RASSF7: variants seen among roughly 807,000 people sequenced by gnomAD.
RASSF7 encodes the protein ras association domain-containing protein 7.
Under a neutral mutation model 33.8 loss-of-function variants are expected in RASSF7, and 41 were observed. The ratio of observed to expected loss-of-function variants is 1.21; its 90% CI spans 0.95 to 1.57. The LOEUF is 1.57. RASSF7 is among the 40% of genes most tolerant of loss of function. RASSF7 has a pLI of 0.00. For synonymous variants in RASSF7, 298 were observed against 212.8 expected, an observed-to-expected ratio of 1.40 and a Z score of -3.48; for missense variants, 622 against 497.0, an observed-to-expected ratio of 1.25 and a Z score of -2.39.
chr11:561,455 G>C lies in RASSF7; in HGVS notation c.-30G>C. 6.7e-6 allele frequency: 8 copies of C among 1,196,182 alleles called. No individual in the cohort carries two copies. The highest frequency in any genetic ancestry group is 8.3e-6 in the Non-Finnish European group (8 of 958,182). The allele number at this position is 1,196,182 out of a possible 1,614,324, so 74.1% of individuals were successfully genotyped here. ...CGGGCGCCTCCGCGCCGCCCGGGGA[G>C]GGGGCAGTGTCCTCCGAGCCAGGTG... On this transcript the variant is annotated 5_prime_UTR_variant, in exon 1 of 6. Coordinates refer to ENST00000397583, the MANE Select transcript of RASSF7 (RefSeq NM_003475.4).
Position 561,583 on chromosome 11 carries a change from G to A in RASSF7, c.-8+106G>A. On this transcript the variant is annotated intron_variant, in intron 1 of 5. Coordinates refer to ENST00000397583, the MANE Select transcript of RASSF7 (RefSeq NM_003475.4). The stretch of plus-strand genomic sequence containing the variant: ...GAAGTGGGGGAGGATGCGTGCTCCG[G>A]AGGGCCGCCACCCCAGGAATGTGTG... 12 of 1,391,794 alleles carry A rather than the reference G, an allele frequency of 8.6e-6. No individual in the cohort carries two copies. The South Asian group carries it at 1.5e-4, about 17-fold the overall frequency. The allele number at this position is 1,391,794 out of a possible 1,614,324, so 86.2% of individuals were successfully genotyped here.
intron 4 of RASSF7, 36 bp from the exon 5 acceptor site, chr11:563,360 C>T: frequency 6.2e-7 from 1 of 1,608,236 alleles, no homozygotes; most frequent in East Asian, 2.2e-5. Context: ...GAGGACCTGG[C>T]CCAGCCCCAC....
At position 563,626 on chromosome 11, in the gene RASSF7, C is replaced by G; in HGVS notation, c.1103C>G (p.Ala368Gly). ...APAPEWCPLA[A>G]QPQAL ...GCCCCAGAGTGGTGTCCTCTGGCAG[C>G]CCAGCCCCAGGCTCTGTGACAGCCT... is the stretch of plus-strand genomic sequence containing the variant. Residue 368 changes from alanine (A) to glycine (G), a missense_variant, in exon 6 of 6, where the codon GCC (alanine) becomes GGC (glycine). Coordinates refer to ENST00000397583, the MANE Select transcript of RASSF7 (RefSeq NM_003475.4). 6.2e-7 allele frequency: 1 copy of G among 1,610,702 alleles called. No homozygotes were observed. Among genetic ancestry groups the G allele is most frequent in the Non-Finnish European group, 8.5e-7 (1 of 1,179,736 alleles).
At chr11:562,039 G>A (rs774295684) in intron 2 of RASSF7, 40 bp from the exon 3 acceptor site, 3 of 1,504,174 alleles carry the variant, frequency 2.0e-6, no homozygotes, top group Middle Eastern at 3.6e-4. Context: ...TGGACAGAGA[G>A]TCGGGGGGAC....
chr11:563,057 CT>C lies in RASSF7; in HGVS notation c.823-131del, dbSNP rs1853416123. ...CAGGTGAGCCCGGGGACCTGATCCC[CT>C]GTCACTCCCCAACCCCTGACGTGGG... On this transcript the variant is annotated intron_variant, in intron 3 of 5. Coordinates refer to ENST00000397583, the MANE Select transcript of RASSF7 (RefSeq NM_003475.4). 4.4e-5 allele frequency: 40 copies of C among 912,382 alleles called. 1 individual carries two copies. The South Asian group carries it at 6.6e-4, about 15-fold the overall frequency. The allele number at this position is 912,382 out of a possible 1,614,324, so 56.5% of individuals were successfully genotyped here. A position where few individuals can be genotyped will look rare whatever the true frequency, so the allele number is the denominator to read the frequency against.
intron 2 of RASSF7, 33 bp from the exon 3 acceptor site, chr11:562,046 G>A (rs768038500): frequency 1.3e-6 from 2 of 1,499,500 alleles, no homozygotes; most frequent in Non-Finnish European, 1.8e-6. Flanking sequence ...AGAGTCGGGG[G>A]GACATAGGCT....
intron 3 of RASSF7, 31 bp downstream of exon 3, chr11:562,807 C>T: frequency 7.0e-7 from 1 of 1,427,764 alleles, no homozygotes. Flanking sequence ...CCCTGTCACT[C>T]CCCCACCCCT....
chr11:561,739 C>G, intron 1 of RASSF7, 23 bp from the exon 2 acceptor site: 1 of 1,612,714 alleles, frequency 6.2e-7, no homozygotes, highest in South Asian at 1.1e-5. Flanking sequence ...GGTCCTGACC[C>G]GGTGCCTGCG....
intron 1 of RASSF7, 50 bp downstream of exon 1, chr11:561,527 G>T: frequency 7.1e-7 from 1 of 1,408,266 alleles, no homozygotes; most frequent in Non-Finnish European, 9.3e-7. Context: ...GCCTTGTTCC[G>T]GGAGTGCGAG....
chr11:562,121 A>T lies in RASSF7; in HGVS notation c.167A>T (p.Lys56Met). 3.9e-6 allele frequency: 6 copies of T among 1,536,908 alleles called. No homozygotes were observed. Among genetic ancestry groups the T allele is most frequent in the Non-Finnish European group, 4.4e-6 (5 of 1,142,130 alleles). ...RFVLVQRLRE[K>M]ERQLLPQECP... ...GTGCTTGTGCAGCGGCTTCGGGAGA[A>T]GGAGCGGCAGTTGCTGCCACAAGAG... Residue 56 changes from lysine (K) to methionine (M), a missense_variant, in exon 3 of 6, where the codon AAG becomes ATG. Physicochemically the swap from Lys to Met is moderately conservative, Grantham distance 95. Coordinates refer to ENST00000397583, the MANE Select transcript of RASSF7 (RefSeq NM_003475.4).
Position 561,396 on chromosome 11 carries a change from C to A in RASSF7, c.-89C>A. 8.9e-7 allele frequency: 1 copy of A among 1,118,120 alleles called. No individual in the cohort carries two copies. The highest frequency in any genetic ancestry group is 6.6e-5 in the East Asian group (1 of 15,170). The allele number at this position is 1,118,120 out of a possible 1,614,324, so 69.3% of individuals were successfully genotyped here. ...GCGGCCTGAGCAGGTCGGGGTGGGG[C>A]GTTCCCATGCCGGCGGCCGCGGGGC... is the stretch of plus-strand genomic sequence containing the variant. On this transcript the variant is annotated 5_prime_UTR_variant, in exon 1 of 6. Coordinates refer to ENST00000397583, the MANE Select transcript of RASSF7 (RefSeq NM_003475.4).
Position 562,186 on chromosome 11 carries a change from A to G in RASSF7, c.232A>G (p.Ser78Gly). 1 of 1,590,270 alleles carries G rather than the reference A, an allele frequency of 6.3e-7. No individual in the cohort carries two copies. The highest frequency in any genetic ancestry group is 8.6e-7 in the Non-Finnish European group (1 of 1,167,290). ...GAQATCGQFA[S>G]DVQFVLRRTG... ...CCAGGCCACCTGCGGACAGTTTGCCAGCGATGTCCAGTTTGTCCTGAGGCG... is the reference window on the plus strand; with the variant it reads ...CCAGGCCACCTGCGGACAGTTTGCCGGCGATGTCCAGTTTGTCCTGAGGCG... Residue 78 changes from serine to glycine, a missense_variant, in exon 3 of 6, where the codon AGC (serine) becomes GGC (glycine). By Grantham distance (56) the Ser-to-Gly change is moderately conservative. Coordinates refer to ENST00000397583, the MANE Select transcript of RASSF7 (RefSeq NM_003475.4).
At position 562,788 on chromosome 11, in the gene RASSF7, G is replaced by T; in HGVS notation, c.822+12G>T. 1 of 1,463,428 alleles carries T rather than the reference G, an allele frequency of 6.8e-7. No individual in the cohort carries two copies. Among genetic ancestry groups the T allele is most frequent in the South Asian group, 1.4e-5 (1 of 73,618 alleles). 90.7% of individuals were successfully genotyped at this position (1,463,428 alleles called of 1,614,324 possible). A position where few individuals can be genotyped will look rare whatever the true frequency, so the allele number is the denominator to read the frequency against. On this transcript the variant is annotated intron_variant, in intron 3 of 5. Transcript: ENST00000397583. ...AGCGAGCCTTGCAGGTGAGCCCGGG[G>T]ACCTGATCCCCTGTCACTCCCCCAC... is the stretch of plus-strand genomic sequence containing the variant.
At position 562,451 on chromosome 11, in the gene RASSF7, C is replaced by G. The variant is rs560509320; in HGVS notation, c.497C>G (p.Ala166Gly). ...CTGGAGCTCAGGGTGCAGAGGAATGCTGAGGAGCTGGGCCATGAGGCCTTC... is the reference window on the plus strand; with the variant it reads ...CTGGAGCTCAGGGTGCAGAGGAATGGTGAGGAGCTGGGCCATGAGGCCTTC... ...RGLELRVQRN[A>G]EELGHEAFWE... The change falls in exon 3 of 6, where the codon GCT becomes GGT. Residue 166 changes from alanine to glycine, a missense_variant. By Grantham distance (60) the Ala-to-Gly change is moderately conservative (BLOSUM62 0). Transcript: ENST00000397583. The G allele has an allele frequency of 2.5e-4, 385 of 1,551,058 alleles. 2 individuals are homozygous for G. The South Asian group carries it at 4.5e-3, about 18-fold the overall frequency.
At position 562,545 on chromosome 11, in the gene RASSF7, T is replaced by G. The variant is rs912058679; in HGVS notation, c.591T>G (p.Ser197Arg). ...GACAGGCACGCCTGCAGGCACTAAG[T>G]GCGGCCACTGCTGAGCATGCCGCCC... ...REGQARLQAL[S>R]AATAEHAARL... The change falls in exon 3 of 6, where the codon AGT (serine) becomes AGG (arginine). Residue 197 changes from serine (S) to arginine (R), a missense_variant. By Grantham distance (110) the Ser-to-Arg change is moderately radical. Coordinates refer to ENST00000397583, the MANE Select transcript of RASSF7 (RefSeq NM_003475.4). The G allele has an allele frequency of 6.5e-7, 1 of 1,547,526 alleles. No individual in the cohort carries two copies.
chr11:562,619 A>G lies in RASSF7; in HGVS notation c.665A>G (p.Gln222Arg), dbSNP rs1485316428. The G allele has an allele frequency of 1.3e-6, 2 of 1,543,450 alleles. No individual in the cohort carries two copies. The highest frequency in any genetic ancestry group is 2.4e-5 in the East Asian group (1 of 40,916). Residue 222 changes from glutamine (Q) to arginine (R), a missense_variant, in exon 3 of 6, where the codon CAG becomes CGG. Coordinates refer to ENST00000397583, the MANE Select transcript of RASSF7 (RefSeq NM_003475.4). ...AQARALEAEL[Q>R]LAAEAPGPPS... ...GCCCGTGCCCTGGAGGCTGAGCTGC[A>G]GCTGGCAGCGGAGGCCCCTGGGCCC...
rs566009663 is a variant in RASSF7, at chr11:563,280, C to T, written c.914C>T (p.Pro305Leu). 4.8e-5 allele frequency: 77 copies of T among 1,611,052 alleles called. No individual in the cohort carries two copies. The highest frequency in any genetic ancestry group is 2.8e-4 in the South Asian group (25 of 90,778). ...CAGCAGACCGGGGCTGCGCTGCCAC[C>T]GCCCCCACGGCCTGACAGGGGCCCT... is the stretch of plus-strand genomic sequence containing the variant. ...FIQQTGAALP[P>L]PPRPDRGPPG... Residue 305 changes from proline (P) to leucine (L), a missense_variant, in exon 4 of 6, where the codon CCG becomes CTG. Pro to Leu is a moderately conservative substitution (Grantham distance 98). Coordinates refer to ENST00000397583, the MANE Select transcript of RASSF7 (RefSeq NM_003475.4).
chr11:562,840 A>C (rs1853400754), intron 3 of RASSF7, 64 bp downstream of exon 3: 5 of 1,309,708 alleles, frequency 3.8e-6, no homozygotes, highest in Non-Finnish European at 5.1e-6. Flanking sequence ...TACGGGGATC[A>C]CAGGGTCCCA....
chr11:563,652 A>G lies in RASSF7; in HGVS notation c.*7A>G. On this transcript the variant is annotated 3_prime_UTR_variant, in exon 6 of 6. Transcript: ENST00000397583. The stretch of plus-strand genomic sequence containing the variant: ...CCAGCCCCAGGCTCTGTGACAGCCT[A>G]GTGAGGGCTGCAAGACCATCCTGCC... The G allele has an allele frequency of 6.2e-7, 1 of 1,605,172 alleles. No homozygotes were observed. The highest frequency in any genetic ancestry group is 1.1e-5 in the South Asian group (1 of 90,662).
Sources: gnomAD v4.1 joint callset for allele counts on GRCh38, gnomAD v4.1.1 for gene constraint, MANE v1.5 for transcripts, NCBI Gene and HGNC (gene_info 2026-07-23, HGNC 2026-07-21) for gene names.